TENM4: variants seen among roughly 807,000 people sequenced by gnomAD.
TENM4 encodes teneurin transmembrane protein 4.
In TENM4, 82 loss-of-function variants were observed where a neutral mutation model predicts 243.3. The observed-to-expected ratio is 0.34, with a 90% CI of 0.28 to 0.40. The LOEUF (loss-of-function observed/expected upper bound fraction) is 0.40, where lower values mean the gene tolerates loss of function less well. TENM4 is among the 10% of genes least tolerant of loss of function. The pLI is 1.00. For synonymous variants in TENM4, 1,412 were observed against 1,456.3 expected, an observed-to-expected ratio of 0.97 and a Z score of 0.69; for missense variants, 3,138 against 3,673.3, an observed-to-expected ratio of 0.85 and a Z score of 3.77.
At chr11:78,781,602 T>G (rs1190100798) in intron 16 of TENM4, among the ~76,000 whole-genome samples, 1 of 152,154 alleles carries the variant, frequency 6.6e-6, no homozygotes, top group Non-Finnish European at 1.5e-5. Context: ...CTTAAGAATC[T>G]TCAGGGGCCC....
In TENM4 at chr11:78,839,118, T is replaced by C. The variant is rs78251966; in HGVS notation, c.1681+14986A>G. Among the ~76,000 whole-genome samples, 24 of 152,360 alleles carry C rather than the reference T, an allele frequency of 1.6e-4. No individual in the cohort carries two copies. The East Asian group carries it at 4.2e-3, about 27-fold the overall frequency. ...ATATTTAAAGATGAGTACCCTTTCA[T>C]GATTCTTCTTCCTGTAATTTCTTCC... On this transcript the variant is annotated intron_variant, in intron 12 of 33. Transcript: ENST00000278550.
chr11:79,161,037 T>G (rs1862735036), intron 3 of TENM4, among the ~76,000 whole-genome samples: 1 of 152,206 alleles, frequency 6.6e-6, no homozygotes, highest in African/African-American at 2.4e-5. Flanking sequence ...TGAGCCATCT[T>G]TGTCTCTGGG....
At chr11:78,745,217 T>A (rs1856021293) in intron 19 of TENM4, among the ~76,000 whole-genome samples, 3 of 145,294 alleles carry the variant, frequency 2.1e-5, no homozygotes, top group Admixed American at 6.6e-5. Context: ...TCTTTCTTTT[T>A]TTTCTTTTTC....
chr11:79,269,106 C>G (rs1468427788), intron 2 of TENM4, among the ~76,000 whole-genome samples: 1 of 152,222 alleles, frequency 6.6e-6, no homozygotes, highest in African/African-American at 2.4e-5. Flanking sequence ...AGGTTCCACA[C>G]TCACTAATTC....
chr11:78,672,871 G>A (rs1858368579), intron 30 of TENM4, among the ~76,000 whole-genome samples: 1 of 152,048 alleles, frequency 6.6e-6, no homozygotes, highest in African/African-American at 2.4e-5. Context: ...GGCCCTCTGA[G>A]CAATTCGTGG....
At chr11:78,794,071 C>T (rs1857112673) in intron 15 of TENM4, among the ~76,000 whole-genome samples, 1 of 152,230 alleles carries the variant, frequency 6.6e-6, no homozygotes, top group African/African-American at 2.4e-5. Context: ...ACTGTCTGCT[C>T]ATCCATCAGC....
intron 4 of TENM4, among the ~76,000 whole-genome samples, chr11:79,126,772 C>T (rs1020256122): frequency 1.3e-5 from 2 of 152,212 alleles, no homozygotes; most frequent in African/African-American, 4.8e-5. Context: ...GGGAGGCCAG[C>T]TCTGCTTGAG....
chr11:78,923,330 T>C (rs1856486343), intron 6 of TENM4, among the ~76,000 whole-genome samples: 1 of 152,120 alleles, frequency 6.6e-6, no homozygotes, highest in Non-Finnish European at 1.5e-5. Context: ...ACTTTTGCTC[T>C]CCAGCTTCCA....
At chr11:79,303,874 G>T (rs554000084) in intron 1 of TENM4, among the ~76,000 whole-genome samples, 1 of 152,174 alleles carries the variant, frequency 6.6e-6, no homozygotes, top group Non-Finnish European at 1.5e-5. Flanking sequence ...GGCTGGTAGC[G>T]TGTTAAGAAG....
intron 2 of TENM4, among the ~76,000 whole-genome samples, chr11:79,294,478 A>G (rs1336984776): frequency 2.0e-5 from 3 of 152,208 alleles, no homozygotes; most frequent in African/African-American, 4.8e-5. Context: ...TTGAATAAGC[A>G]GGCTTGTGCA....
At chr11:79,298,183 G>C (rs1162547192) in intron 1 of TENM4, among the ~76,000 whole-genome samples, 1 of 152,104 alleles carries the variant, frequency 6.6e-6, no homozygotes, top group Non-Finnish European at 1.5e-5. Context: ...CCAGAAGAGT[G>C]AGAAGTGAGC....
At chr11:79,399,862 G>A (rs1482887559) in intron 1 of TENM4, among the ~76,000 whole-genome samples, 4 of 152,012 alleles carry the variant, frequency 2.6e-5, no homozygotes, top group African/African-American at 4.8e-5. Context: ...GTTGTTGTGC[G>A]GATTAAGTGG....
chr11:78,886,830 T>C (rs1411203118), intron 9 of TENM4, among the ~76,000 whole-genome samples: 1 of 152,212 alleles, frequency 6.6e-6, no homozygotes, highest in African/African-American at 2.4e-5. Context: ...ATCTGTGTTA[T>C]TCTTGGCAAG....
intron 2 of TENM4, among the ~76,000 whole-genome samples, chr11:79,222,945 T>A (rs575639): frequency 6.6e-6 from 1 of 151,910 alleles, no homozygotes; most frequent in Admixed American, 6.6e-5. Context: ...TGAGAACACA[T>A]GAACGCAGGG....
Position 78,702,080 on chromosome 11 carries a change from A to G in TENM4, c.4533T>C (p.Ser1511=), listed in dbSNP as rs780018897. 15 of 1,613,778 alleles carry G rather than the reference A, an allele frequency of 9.3e-6. No homozygotes were observed. The highest frequency in any genetic ancestry group is 1.3e-5 in the African/African-American group (1 of 74,928). The stretch of plus-strand genomic sequence containing the variant: ...TGGCATCATTTTTACAGTCACAGCC[A>G]CTGGGGGCCCCAGCAACGAGTGAGA... ...GEISLVAGAP[S]GCDCKNDANC... is the part of the protein sequence containing the mutation. Residue 1511 remains serine, a synonymous_variant, in exon 28 of 34, where the codon AGT becomes AGC. Coordinates refer to ENST00000278550, the MANE Select transcript of TENM4 (RefSeq NM_001098816.3).
At chr11:79,335,245 G>A (rs1468388029) in intron 1 of TENM4, among the ~76,000 whole-genome samples, 6 of 152,300 alleles carry the variant, frequency 3.9e-5, no homozygotes, top group South Asian at 2.1e-4. Context: ...CAGGTCTCCC[G>A]CCACCATGAC....
intron 3 of TENM4, among the ~76,000 whole-genome samples, chr11:79,152,510 A>C (rs948490737): frequency 3.3e-5 from 5 of 152,230 alleles, no homozygotes; most frequent in African/African-American, 1.2e-4. Flanking sequence ...CTTCATCTAG[A>C]TATATCATGG....
intron 4 of TENM4, 60 bp downstream of exon 4, chr11:79,148,650 A>C (rs1862439647): frequency 2.3e-6 from 1 of 427,288 alleles, no homozygotes; most frequent in Admixed American, 6.4e-5. Context: ...AGAAAAAAAG[A>C]ACCCATAACA....
rs1219986728 is a variant in TENM4, at chr11:78,978,191, TG to T, written c.494-74669del. 2.2e-3 allele frequency among the ~76,000 whole-genome samples: 340 copies of T among 152,020 alleles called. 4 individuals carry two copies. Among genetic ancestry groups the T allele is most frequent in the African/African-American group, 7.4e-3 (308 of 41,454 alleles). ...ACACAGGGAGGGGAAAAACATACAC[TG>T]CAGCCTGTTGGCGGATGGGGGGCTA... On this transcript the variant is annotated intron_variant, in intron 6 of 33. Coordinates refer to ENST00000278550, the MANE Select transcript of TENM4 (RefSeq NM_001098816.3).
Sources: allele counts gnomAD v4.1 joint callset (sites outside exome capture counted in the v4.1 genomes callset), GRCh38; gene constraint gnomAD v4.1.1; transcripts MANE v1.5; gene names NCBI Gene and HGNC (gene_info 2026-07-23, HGNC 2026-07-21).